Variants in DCUN1D4 observed in about 807,000 individuals in gnomAD.
DCUN1D4 encodes DCN1-like protein 4.
Under a neutral mutation model 47.9 loss-of-function variants are expected in DCUN1D4, and 22 were observed. The observed-to-expected ratio is 0.46, with a 90% CI of 0.33 to 0.66. The LOEUF (loss-of-function observed/expected upper bound fraction) is 0.66. Among genes scored for constraint, DCUN1D4 ranks in the 30% least tolerant of loss-of-function variants. DCUN1D4 has a pLI of 0.02. For synonymous variants in DCUN1D4, 121 were observed against 112.2 expected (o/e 1.08, Z -0.50); for missense variants, 301 against 340.8 (o/e 0.88, Z 0.92).
chr4:51,846,565 A>G (rs547670667), intron 1 of DCUN1D4, among the ~76,000 whole-genome samples: 1 of 152,312 alleles, frequency 6.6e-6, no homozygotes, highest in South Asian at 2.1e-4. Flanking sequence ...TATCTCAATC[A>G]TCATCTGCTA....
Position 51,874,377 on chromosome 4 carries a change from A to G in DCUN1D4, c.243A>G (p.Arg81=). 3 of 1,609,984 alleles carry G rather than the reference A, an allele frequency of 1.9e-6. No individual in the cohort carries two copies. The highest frequency in any genetic ancestry group is 2.5e-6 in the Non-Finnish European group (3 of 1,176,772). ...ATGATTTATCTGCCAAGAAAAGTAG[A>G]CATGATAGGTATGATGTAGAGACAG... ...SGDDLSAKKS[R]HDSMYRKYDS... Residue 81 remains arginine (R), a synonymous_variant, in exon 4 of 11, where the codon AGA becomes AGG. Coordinates refer to ENST00000334635, the MANE Select transcript of DCUN1D4 (RefSeq NM_001040402.3).
At chr4:51,896,755 T>C (rs1731325518) in intron 7 of DCUN1D4, among the ~76,000 whole-genome samples, 1 of 152,038 alleles carries the variant, frequency 6.6e-6, no homozygotes, top group South Asian at 2.1e-4. Flanking sequence ...GCTCTCAATA[T>C]CTCTTTTCCT....
chr4:51,839,956 G>C (rs542241056), upstream of DCUN1D4, among the ~76,000 whole-genome samples: 3 of 152,152 alleles, frequency 2.0e-5, no homozygotes, highest in East Asian at 5.8e-4. Context: ...TCTAGGCTTA[G>C]GGCATTTCAA....
At chr4:51,910,066 G>T (rs1233365679) in intron 8 of DCUN1D4, among the ~76,000 whole-genome samples, 1 of 152,110 alleles carries the variant, frequency 6.6e-6, no homozygotes, top group African/African-American at 2.4e-5. Context: ...CCCTTAATTT[G>T]AACATTTAGA....
chr4:51,904,119 G>A (rs932902216), intron 8 of DCUN1D4, among the ~76,000 whole-genome samples: 119 of 152,000 alleles, frequency 7.8e-4, no homozygotes, highest in Admixed American at 6.6e-4. Flanking sequence ...TTTAGATAGC[G>A]TTGAGTTTGT....
intron 5 of DCUN1D4, chr4:51,878,121 C>T: frequency 4.3e-6 from 1 of 234,910 alleles, no homozygotes; most frequent in Non-Finnish European, 8.2e-6. Context: ...TGCTGGGAAA[C>T]CTATTTGGAA....
intron 5 of DCUN1D4, among the ~76,000 whole-genome samples, chr4:51,881,150 C>A (rs1042250682): frequency 6.6e-6 from 1 of 151,996 alleles, no homozygotes; most frequent in Non-Finnish European, 1.5e-5. Context: ...ATGAAGATGA[C>A]CAGTTTACAT....
chr4:51,871,496 T>C (rs1007027545), intron 3 of DCUN1D4, among the ~76,000 whole-genome samples: 2 of 152,208 alleles, frequency 1.3e-5, no homozygotes, highest in Non-Finnish European at 2.9e-5. Flanking sequence ...TAAACAGTGT[T>C]CCTCTTCTTA....
chr4:51,905,609 A>G (rs748364717), intron 8 of DCUN1D4, among the ~76,000 whole-genome samples: 2 of 152,218 alleles, frequency 1.3e-5, no homozygotes, highest in Non-Finnish European at 2.9e-5. Context: ...AGATGAAGAG[A>G]ATAGACTAAA....
At chr4:51,862,686 A>G (rs1428641082) in intron 1 of DCUN1D4, among the ~76,000 whole-genome samples, 1 of 152,114 alleles carries the variant, frequency 6.6e-6, no homozygotes, top group East Asian at 1.9e-4. Flanking sequence ...TTACATTTTT[A>G]TTGCCTAATA....
At chr4:51,891,719 T>C in intron 6 of DCUN1D4, 41 bp from the exon 7 acceptor site, 1 of 1,459,190 alleles carries the variant, frequency 6.9e-7, no homozygotes, top group Non-Finnish European at 9.5e-7. Context: ...TTTTAATTTG[T>C]GTAATATATT....
intron 3 of DCUN1D4, among the ~76,000 whole-genome samples, chr4:51,863,913 A>G (rs1208025361): frequency 6.6e-6 from 1 of 152,192 alleles, no homozygotes; most frequent in Non-Finnish European, 1.5e-5. Flanking sequence ...AGCACTTTTT[A>G]ATGCCTTTAA....
intron 3 of DCUN1D4, among the ~76,000 whole-genome samples, chr4:51,871,766 A>C (rs1337821370): frequency 1.3e-5 from 2 of 152,236 alleles, no homozygotes; most frequent in Admixed American, 6.5e-5. Flanking sequence ...GGGCATTAAT[A>C]GATATGAATA....
At chr4:51,898,583 C>A (rs1731626699) in intron 7 of DCUN1D4, among the ~76,000 whole-genome samples, 1 of 152,126 alleles carries the variant, frequency 6.6e-6, no homozygotes, top group South Asian at 2.1e-4. Flanking sequence ...ATGGTGGACA[C>A]CACCATAACC....
At chr4:51,867,421 A>G (rs1577908046) in intron 3 of DCUN1D4, among the ~76,000 whole-genome samples, 1 of 152,318 alleles carries the variant, frequency 6.6e-6, no homozygotes, top group Admixed American at 6.5e-5. Flanking sequence ...GTGGATCCTG[A>G]GTTCTTGTCC....
intron 1 of DCUN1D4, among the ~76,000 whole-genome samples, chr4:51,858,938 T>C (rs540424893): frequency 6.9e-4 from 105 of 152,374 alleles, no homozygotes; most frequent in Non-Finnish European, 1.4e-3. Flanking sequence ...ATACAGAGTT[T>C]ACCAGGCTCT....
chr4:51,892,598 T>C (rs1730598660), intron 7 of DCUN1D4, among the ~76,000 whole-genome samples: 1 of 152,228 alleles, frequency 6.6e-6, no homozygotes. Context: ...AAAGATTTGG[T>C]TTGTGTAACC....
At chr4:51,842,149 G>T (rs1310746441), upstream of DCUN1D4, among the ~76,000 whole-genome samples, 1 of 152,176 alleles carries the variant, frequency 6.6e-6, no homozygotes, top group East Asian at 1.9e-4. Flanking sequence ...CAAAATTAAC[G>T]TCTCCCTCTG....
chr4:51,857,703 T>G (rs568847615), intron 1 of DCUN1D4, among the ~76,000 whole-genome samples: 6 of 152,302 alleles, frequency 3.9e-5, no homozygotes, highest in East Asian at 1.9e-4. Context: ...CTTAGGAGAT[T>G]AAATCTAAAC....
Sources: gnomAD v4.1 joint callset for allele counts (sites outside exome capture counted in the v4.1 genomes callset) on GRCh38, gnomAD v4.1.1 for gene constraint, MANE v1.5 for transcripts, NCBI Gene and HGNC (gene_info 2026-07-23, HGNC 2026-07-21) for gene names.